The following GPR158 variants were observed in gnomAD, a reference collection of about 807,000 sequenced individuals.
GPR158 encodes the protein metabotropic glycine receptor.
A neutral mutation model predicts 78.2 loss-of-function variants in GPR158; 30 were observed. The observed-to-expected ratio is 0.38, with a 90% CI of 0.29 to 0.52. The LOEUF (loss-of-function observed/expected upper bound fraction) is 0.52, where lower values mean the gene tolerates loss of function less well. Among genes scored for constraint, GPR158 ranks in the 20% least tolerant of loss-of-function variants. The pLI, the probability that GPR158 is intolerant of heterozygous loss-of-function variation, is 0.83. For missense variants in GPR158, 1,463 were observed against 1,523.5 expected (o/e 0.96, Z 0.66); for synonymous variants, 581 against 591.1 (o/e 0.98, Z 0.25).
chr10:25,594,605 A>G (rs1005691542), intron 9 of GPR158, among the ~76,000 whole-genome samples: 4 of 152,110 alleles, frequency 2.6e-5, no homozygotes, highest in Non-Finnish European at 4.4e-5. Context: ...ACAAAAACCC[A>G]TCATCTGTTT....
intron 2 of GPR158, among the ~76,000 whole-genome samples, chr10:25,300,746 C>A (rs1438074300): frequency 6.6e-6 from 1 of 151,894 alleles, no homozygotes; most frequent in Non-Finnish European, 1.5e-5. Flanking sequence ...TATAAGAAAC[C>A]AGTTTATTGT....
At chr10:25,470,387 G>C (rs1043527718) in intron 5 of GPR158, among the ~76,000 whole-genome samples, 1 of 151,870 alleles carries the variant, frequency 6.6e-6, no homozygotes, top group Non-Finnish European at 1.5e-5. Flanking sequence ...GGCCCTTTTT[G>C]TTCTTCTCCC....
At chr10:25,271,742 A>G (rs1409378941) in intron 2 of GPR158, among the ~76,000 whole-genome samples, 1 of 151,738 alleles carries the variant, frequency 6.6e-6, no homozygotes, top group Non-Finnish European at 1.5e-5. Flanking sequence ...GCTCACTGCA[A>G]CCTCCACTTC....
At chr10:25,304,603 A>G (rs2075979871) in intron 2 of GPR158, among the ~76,000 whole-genome samples, 1 of 152,066 alleles carries the variant, frequency 6.6e-6, no homozygotes, top group South Asian at 2.1e-4. Flanking sequence ...AACTCTATAT[A>G]TAGAGAGAGA....
intron 6 of GPR158, among the ~76,000 whole-genome samples, chr10:25,553,995 G>A (rs544806136): frequency 5.0e-4 from 76 of 152,196 alleles, no homozygotes; most frequent in African/African-American, 1.7e-3. Context: ...AACAAAATGG[G>A]TTATGGCTGC....
chr10:25,239,981 C>T (rs1174757329), intron 2 of GPR158, among the ~76,000 whole-genome samples: 4 of 152,104 alleles, frequency 2.6e-5, no homozygotes, highest in African/African-American at 9.7e-5. Context: ...CAGTTCATGT[C>T]CTCTAAGGTT....
intron 2 of GPR158, among the ~76,000 whole-genome samples, chr10:25,369,779 C>T (rs1041183142): frequency 2.0e-5 from 3 of 151,998 alleles, no homozygotes; most frequent in Non-Finnish European, 2.9e-5. Flanking sequence ...TAGAATTCGG[C>T]TGTGAATCCA....
intron 2 of GPR158, among the ~76,000 whole-genome samples, chr10:25,376,748 G>A (rs542937571): frequency 1.3e-5 from 2 of 151,616 alleles, no homozygotes; most frequent in South Asian, 2.1e-4. Flanking sequence ...ACTGTTGATG[G>A]ATATTTTTAT....
intron 6 of GPR158, among the ~76,000 whole-genome samples, chr10:25,554,805 C>T (rs1433484593): frequency 6.6e-6 from 1 of 152,074 alleles, no homozygotes; most frequent in Non-Finnish European, 1.5e-5. Context: ...TTGTCACTGC[C>T]ATTGTTTAGA....
intron 2 of GPR158, among the ~76,000 whole-genome samples, chr10:25,350,710 G>GA (rs1855447844): frequency 6.6e-6 from 1 of 151,968 alleles, no homozygotes; most frequent in Non-Finnish European, 1.5e-5. Flanking sequence ...GGTTGCCTTG[G>GA]AGACAGGACA....
intron 3 of GPR158, among the ~76,000 whole-genome samples, chr10:25,407,512 C>G (rs1379355169): frequency 6.6e-6 from 1 of 152,084 alleles, no homozygotes; most frequent in Non-Finnish European, 1.5e-5. Context: ...TTAGATGTCA[C>G]CACTTGGATC....
rs1398810037 is a variant in GPR158 at position 25,519,569 on chromosome 10, G to A, written c.1405-31407G>A. The stretch of plus-strand genomic sequence containing the variant: ...CAGGAGCTCTTTTAGGGCAGGCCTG[G>A]TGGTGACAAAATCTCTCAGCATTTG... On this transcript the variant is annotated intron_variant, in intron 5 of 10. Transcript: ENST00000376351. Among the ~76,000 whole-genome samples, 14 of 142,262 alleles carry A rather than the reference G, an allele frequency of 9.8e-5. No individual in the cohort carries two copies. In the East Asian group the frequency reaches 2.6e-3, roughly 27 times the overall value. 93.3% of individuals were successfully genotyped at this position (142,262 alleles called of 152,430 possible).
At chr10:25,299,172 G>T (rs987921050) in intron 2 of GPR158, among the ~76,000 whole-genome samples, 3 of 151,360 alleles carry the variant, frequency 2.0e-5, no homozygotes, top group African/African-American at 7.3e-5. Flanking sequence ...GACATAGATA[G>T]TAAAATGATT....
intron 9 of GPR158, among the ~76,000 whole-genome samples, chr10:25,594,603 C>A (rs1280310388): frequency 6.6e-6 from 1 of 151,890 alleles, no homozygotes; most frequent in East Asian, 1.9e-4. Context: ...GTACAAAAAC[C>A]CATCATCTGT....
intron 7 of GPR158, among the ~76,000 whole-genome samples, chr10:25,573,658 G>A (rs1216485451): frequency 6.6e-6 from 1 of 152,204 alleles, no homozygotes; most frequent in Non-Finnish European, 1.5e-5. Context: ...GTTCCCCTCA[G>A]TAAGCCACAG....
At chr10:25,329,656 G>A (rs1855090615) in intron 2 of GPR158, among the ~76,000 whole-genome samples, 1 of 151,044 alleles carries the variant, frequency 6.6e-6, no homozygotes, top group Non-Finnish European at 1.5e-5. Context: ...AAGAGTAAAT[G>A]TGGATATTAA....
intron 2 of GPR158, among the ~76,000 whole-genome samples, chr10:25,367,470 C>T (rs1047895790): frequency 2.6e-5 from 4 of 151,770 alleles, no homozygotes; most frequent in Admixed American, 2.6e-4. Flanking sequence ...TTTGGCTCTT[C>T]TTGGCCATTT....
At chr10:25,398,144 C>T (rs74343699) in intron 3 of GPR158, among the ~76,000 whole-genome samples, 2,544 of 152,282 alleles carry the variant, frequency 0.017, 26 homozygotes, top group Non-Finnish European at 0.027. Flanking sequence ...CTAGCCAAAA[C>T]CTTGATTTCA....
At chr10:25,184,331 C>G (rs773679291) in intron 1 of GPR158, among the ~76,000 whole-genome samples, 7 of 152,174 alleles carry the variant, frequency 4.6e-5, no homozygotes, top group Non-Finnish European at 1.0e-4. Context: ...GCTGGGAGTA[C>G]AGGCACATGC....
Sources: allele counts gnomAD v4.1 joint callset (sites outside exome capture counted in the v4.1 genomes callset), GRCh38; gene constraint gnomAD v4.1.1; transcripts MANE v1.5; gene names NCBI Gene and HGNC (gene_info 2026-07-23, HGNC 2026-07-21).